GXYLT2: variants seen among roughly 807,000 people sequenced by gnomAD.
The protein encoded by GXYLT2 is glucoside xylosyltransferase 2, also known as glycosyltransferase 8 domain containing 4.
In GXYLT2, 53 loss-of-function variants were observed where a neutral mutation model predicts 45.8. The ratio of observed to expected loss-of-function variants is 1.16; its 90% CI spans 0.93 to 1.46. The LOEUF (loss-of-function observed/expected upper bound fraction) is 1.46. GXYLT2 is among the 40% of genes most tolerant of loss of function. The pLI, the probability that GXYLT2 is intolerant of heterozygous loss-of-function variation, is 0.00. For missense variants in GXYLT2, 551 were observed against 544.4 expected (o/e 1.01, Z -0.12); for synonymous variants, 219 against 214.2 (o/e 1.02, Z -0.19).
intron 1 of GXYLT2, among the ~76,000 whole-genome samples, chr3:72,889,896 G>GTTTT (rs369830925): frequency 3.0e-5 from 4 of 135,532 alleles, no homozygotes; most frequent in African/African-American, 1.1e-4. Context: ...TTTTCTTTTG[G>GTTTT]TTTTTTTTTT....
chr3:72,898,445 G>T (rs953961764), intron 1 of GXYLT2, among the ~76,000 whole-genome samples: 4 of 152,286 alleles, frequency 2.6e-5, no homozygotes, highest in Non-Finnish European at 4.4e-5. Context: ...GAAGGAGATG[G>T]AGAAATAGAA....
chr3:72,943,122 C>T (rs968529673), intron 3 of GXYLT2, among the ~76,000 whole-genome samples: 1 of 152,188 alleles, frequency 6.6e-6, no homozygotes, highest in Admixed American at 6.5e-5. Context: ...TTTGACAACA[C>T]ATTTTACCCA....
intron 1 of GXYLT2, among the ~76,000 whole-genome samples, chr3:72,905,160 C>T (rs1026513781): frequency 6.6e-6 from 1 of 151,928 alleles, no homozygotes; most frequent in African/African-American, 2.4e-5. Context: ...CACTCTCACC[C>T]AGGCTGGAGT....
chr3:72,975,305 G>T lies in GXYLT2; in HGVS notation c.*146G>T. On this transcript the variant is annotated 3_prime_UTR_variant, in exon 7 of 7. Transcript: ENST00000389617. ...AACCTCGTTAAATTTTGCCAAATCA[G>T]TTGCCCCCAAAAGGGAATATGCTTT... is the stretch of plus-strand genomic sequence containing the variant. 6.3e-6 allele frequency: 3 copies of T among 473,296 alleles called. No homozygotes were observed. The South Asian group carries it at 2.1e-4, about 32-fold the overall frequency. 29.3% of individuals were successfully genotyped at this position (473,296 alleles called of 1,614,324 possible).
chr3:72,936,013 C>T (rs148985064), intron 3 of GXYLT2, among the ~76,000 whole-genome samples: 90 of 152,230 alleles, frequency 5.9e-4, no homozygotes, highest in African/African-American at 1.8e-3. Context: ...GGAAGCCCGC[C>T]GGGCGCGGTG....
chr3:72,931,896 C>T (rs1043777416), intron 3 of GXYLT2, among the ~76,000 whole-genome samples: 1 of 151,922 alleles, frequency 6.6e-6, no homozygotes, highest in Non-Finnish European at 1.5e-5. Context: ...GTAGACTGAG[C>T]TAGAAAACAA....
chr3:72,970,756 G>A (rs1170908784), intron 6 of GXYLT2, among the ~76,000 whole-genome samples: 2 of 152,116 alleles, frequency 1.3e-5, no homozygotes, highest in East Asian at 3.9e-4. Context: ...CAGCTACTCG[G>A]GTGGCTGAGG....
chr3:72,946,686 T>C (rs1454426498), intron 3 of GXYLT2, among the ~76,000 whole-genome samples: 1 of 152,208 alleles, frequency 6.6e-6, no homozygotes, highest in Non-Finnish European at 1.5e-5. Flanking sequence ...CTTATAACCT[T>C]ATCACCTTTT....
At chr3:72,943,214 A>G (rs2107127510) in intron 3 of GXYLT2, among the ~76,000 whole-genome samples, 1 of 152,346 alleles carries the variant, frequency 6.6e-6, no homozygotes, top group Non-Finnish European at 1.5e-5. Context: ...ATATAATTAC[A>G]GAAATTAAGT....
At chr3:72,948,537 A>G (rs1710455022) in intron 3 of GXYLT2, among the ~76,000 whole-genome samples, 2 of 152,170 alleles carry the variant, frequency 1.3e-5, no homozygotes. Context: ...AACAAGTCAC[A>G]ATGGAAATTA....
chr3:72,922,702 T>G (rs1019128953), intron 3 of GXYLT2, among the ~76,000 whole-genome samples: 5 of 152,238 alleles, frequency 3.3e-5, no homozygotes, highest in African/African-American at 1.2e-4. Flanking sequence ...TATTGTTATT[T>G]CTCTTATCAC....
intron 3 of GXYLT2, among the ~76,000 whole-genome samples, chr3:72,938,090 T>C (rs905751090): frequency 4.6e-5 from 7 of 152,162 alleles, no homozygotes; most frequent in Non-Finnish European, 1.0e-4. Context: ...AGATCCTCTC[T>C]ACAAAAATTT....
intron 3 of GXYLT2, among the ~76,000 whole-genome samples, chr3:72,938,790 CCA>C (rs1710240561): frequency 6.6e-6 from 1 of 152,152 alleles, no homozygotes; most frequent in South Asian, 2.1e-4. Flanking sequence ...TAACAGTTGG[CCA>C]CACAGCTGAA....
intron 6 of GXYLT2, 134 bp from the exon 7 acceptor site, chr3:72,974,843 C>T: frequency 1.6e-6 from 1 of 625,440 alleles, no homozygotes; most frequent in Non-Finnish European, 2.7e-6. Context: ...GTTAGATCCT[C>T]AAAGGTCTTT....
intron 3 of GXYLT2, among the ~76,000 whole-genome samples, chr3:72,952,498 G>A (rs886958452): frequency 2.6e-5 from 4 of 152,084 alleles, no homozygotes; most frequent in African/African-American, 7.2e-5. Context: ...ATGTTCATCA[G>A]TTTTAAATAT....
intron 2 of GXYLT2, among the ~76,000 whole-genome samples, chr3:72,921,106 C>T (rs1709826238): frequency 6.6e-6 from 1 of 151,952 alleles, no homozygotes; most frequent in African/African-American, 2.4e-5. Context: ...CAGGTGTGAG[C>T]CACCACGCCC....
intron 1 of GXYLT2, among the ~76,000 whole-genome samples, chr3:72,900,037 C>G (rs1709373053): frequency 6.6e-6 from 1 of 152,130 alleles, no homozygotes; most frequent in Non-Finnish European, 1.5e-5. Flanking sequence ...CTTGACAGTT[C>G]AGGAGAAGCG....
Position 72,955,278 on chromosome 3 carries a change from T to C in GXYLT2, c.781T>C (p.Tyr261His). The change falls in exon 4 of 7, where the codon TAT becomes CAT. Residue 261 changes from tyrosine to histidine, a missense_variant. Transcript: ENST00000389617. ...CAGCCGCTTTGCTAGGCATCCTTTCTATGGCTCTGCAGGAGTTAATTCAGG... is the reference window on the plus strand; with the variant it reads ...CAGCCGCTTTGCTAGGCATCCTTTCCATGGCTCTGCAGGAGTTAATTCAGG... ...WYSRFARHPFYGSAGVNSGVM... is the reference protein window; with the variant it reads ...WYSRFARHPFHGSAGVNSGVM... 8.1e-6 allele frequency: 13 copies of C among 1,614,046 alleles called. No individual in the cohort carries two copies. Among genetic ancestry groups the C allele is most frequent in the Non-Finnish European group, 8.5e-6 (10 of 1,179,886 alleles).
chr3:72,955,864 G>A (rs1022983274), intron 4 of GXYLT2, among the ~76,000 whole-genome samples: 5 of 152,132 alleles, frequency 3.3e-5, no homozygotes, highest in African/African-American at 1.2e-4. Context: ...GATCACTTGA[G>A]GCCAGGAGTT....
Sources: gnomAD v4.1 joint callset for allele counts (sites outside exome capture counted in the v4.1 genomes callset) on GRCh38, gnomAD v4.1.1 for gene constraint, MANE v1.5 for transcripts, NCBI Gene and HGNC (gene_info 2026-07-23, HGNC 2026-07-21) for gene names.